Variants in CDKAL1 observed in about 807,000 individuals in gnomAD.
The protein encoded by CDKAL1 is threonylcarbamoyladenosine tRNA methylthiotransferase.
Under a neutral mutation model 68.2 loss-of-function variants are expected in CDKAL1, and 32 were observed. The ratio of observed to expected loss-of-function variants is 0.47; its 90% CI spans 0.35 to 0.63. The LOEUF (loss-of-function observed/expected upper bound fraction) is 0.63, where lower values mean the gene tolerates loss of function less well. CDKAL1 is among the 30% of genes least tolerant of loss of function. The pLI is 0.00. For synonymous variants in CDKAL1, 234 were observed against 244.3 expected (o/e 0.96, Z 0.39); for missense variants, 606 against 696.7 (o/e 0.87, Z 1.47).
chr6:20,964,991 A>G (rs543565714), intron 10 of CDKAL1, among the ~76,000 whole-genome samples: 2 of 152,262 alleles, frequency 1.3e-5, no homozygotes, highest in Admixed American at 6.5e-5. Context: ...GATGAGTGAA[A>G]AGGCCTTAGC....
At chr6:20,614,764 A>G (rs1244172287) in intron 4 of CDKAL1, among the ~76,000 whole-genome samples, 1 of 152,138 alleles carries the variant, frequency 6.6e-6, no homozygotes, top group African/African-American at 2.4e-5. Flanking sequence ...CTTTCAAAAG[A>G]TAATCAAATA....
chr6:20,558,099 T>G (rs1357165870), intron 4 of CDKAL1, among the ~76,000 whole-genome samples: 1 of 152,236 alleles, frequency 6.6e-6, no homozygotes. Flanking sequence ...TTATTTCATG[T>G]AGAAAGTTGA....
At chr6:21,213,355 G>A (rs1779231923) in intron 15 of CDKAL1, among the ~76,000 whole-genome samples, 1 of 152,096 alleles carries the variant, frequency 6.6e-6, no homozygotes, top group Non-Finnish European at 1.5e-5. Flanking sequence ...ATTTACTTGG[G>A]GCCTGGTTGA....
intron 9 of CDKAL1, among the ~76,000 whole-genome samples, chr6:20,902,313 A>T (rs1329547398): frequency 8.0e-3 from 13 of 1,628 alleles, no homozygotes; most frequent in African/African-American, 0.013. Context: ...TGGTGGATTC[A>T]CACACACACA....
At chr6:21,192,053 C>A (rs1359250973) in intron 13 of CDKAL1, among the ~76,000 whole-genome samples, 2 of 100,086 alleles carry the variant, frequency 2.0e-5, no homozygotes, top group East Asian at 6.7e-4. Flanking sequence ...CTCGCTCTGT[C>A]GCCCAGGCCG....
chr6:20,991,467 G>A (rs1766793861), intron 10 of CDKAL1, among the ~76,000 whole-genome samples: 1 of 152,026 alleles, frequency 6.6e-6, no homozygotes, highest in African/African-American at 2.4e-5. Flanking sequence ...CAGCACTTTG[G>A]ATGGCAGACG....
chr6:20,704,114 A>T (rs1338430322), intron 5 of CDKAL1, among the ~76,000 whole-genome samples: 2 of 152,216 alleles, frequency 1.3e-5, no homozygotes, highest in African/African-American at 4.8e-5. Flanking sequence ...ATAAAACAAA[A>T]TACTTAATGA....
At chr6:20,972,412 C>T (rs1274166087) in intron 10 of CDKAL1, among the ~76,000 whole-genome samples, 1 of 152,162 alleles carries the variant, frequency 6.6e-6, no homozygotes, top group Non-Finnish European at 1.5e-5. Context: ...CTCAAGGCAC[C>T]AGCTATTCTT....
intron 8 of CDKAL1, among the ~76,000 whole-genome samples, chr6:20,822,463 C>T (rs774564036): frequency 6.6e-5 from 10 of 152,242 alleles, no homozygotes; most frequent in South Asian, 2.1e-4. Flanking sequence ...GTCCAGACCT[C>T]GCGATACTTC....
intron 10 of CDKAL1, among the ~76,000 whole-genome samples, chr6:20,970,301 G>A (rs1765528062): frequency 6.6e-6 from 1 of 152,084 alleles, no homozygotes; most frequent in Non-Finnish European, 1.5e-5. Flanking sequence ...GATTAGGATA[G>A]GCCAAACACA....
chr6:20,593,690 G>A (rs538848551), intron 4 of CDKAL1, among the ~76,000 whole-genome samples: 41 of 149,716 alleles, frequency 2.7e-4, no homozygotes, highest in Non-Finnish European at 5.0e-4. Flanking sequence ...CTTCTGCTCT[G>A]ATCTTAGTTA....
rs192534009 is a variant in CDKAL1, at chr6:20,639,155, A to G, written c.287-10138A>G. On this transcript the variant is annotated intron_variant, in intron 4 of 15. Transcript: ENST00000274695. ...TACTGGTAGAGCTTTGCCAGCTATTATTTTTCATTTAAAAGAAAAAATCGT... is the reference window on the plus strand; with the variant it reads ...TACTGGTAGAGCTTTGCCAGCTATTGTTTTTCATTTAAAAGAAAAAATCGT... Among the ~76,000 whole-genome samples the G allele has an allele frequency of 1.2e-4, 18 of 152,270 alleles. No individual in the cohort carries two copies. The East Asian group carries it at 3.5e-3, about 29-fold the overall frequency.
At chr6:20,538,765 T>C (rs1026644621) in intron 2 of CDKAL1, among the ~76,000 whole-genome samples, 1 of 152,156 alleles carries the variant, frequency 6.6e-6, no homozygotes. Context: ...ATCCTAGGGG[T>C]TGGGCATTTA....
At chr6:20,837,811 T>C (rs1449476547) in intron 8 of CDKAL1, among the ~76,000 whole-genome samples, 1 of 151,498 alleles carries the variant, frequency 6.6e-6, no homozygotes, top group East Asian at 1.9e-4. Flanking sequence ...CTGCAAATTC[T>C]AATTCAGTAA....
At chr6:20,655,094 T>A (rs1366064919) in intron 5 of CDKAL1, among the ~76,000 whole-genome samples, 1 of 152,246 alleles carries the variant, frequency 6.6e-6, no homozygotes, top group East Asian at 1.9e-4. Context: ...CTTTTAGACT[T>A]TTTTCTCCCA....
chr6:20,810,583 TG>T (rs1429588318), intron 8 of CDKAL1, among the ~76,000 whole-genome samples: 1 of 149,606 alleles, frequency 6.7e-6, no homozygotes, highest in Non-Finnish European at 1.5e-5. Flanking sequence ...GCTGACAGAG[TG>T]AGACACTCTC....
chr6:20,728,201 G>T (rs1372657232), intron 5 of CDKAL1, among the ~76,000 whole-genome samples: 2 of 152,078 alleles, frequency 1.3e-5, no homozygotes, highest in Admixed American at 6.5e-5. Context: ...GTGGAGGGTG[G>T]TCTTTCCAAC....
At chr6:20,678,600 A>G (rs1770232919) in intron 5 of CDKAL1, among the ~76,000 whole-genome samples, 1 of 152,166 alleles carries the variant, frequency 6.6e-6, no homozygotes, top group Non-Finnish European at 1.5e-5. Context: ...ACTCTTGCTC[A>G]TATCAATTAA....
Position 20,666,459 on chromosome 6 carries a change from C to T in CDKAL1, c.371+17082C>T, listed in dbSNP as rs147376834. ...CAGTCCTGTGTTTTATGACCCTCTC[C>T]TACAGACATGAAATACCTGTTTGCT... On this transcript the variant is annotated intron_variant, in intron 5 of 15. Transcript: ENST00000274695. Among the ~76,000 whole-genome samples, 216 of 152,156 alleles carry T rather than the reference C, an allele frequency of 1.4e-3. 1 individual carries two copies. Among genetic ancestry groups the T allele is most frequent in the Middle Eastern group, 6.8e-3 (2 of 294 alleles).
Sources: gnomAD v4.1 joint callset for allele counts (sites outside exome capture counted in the v4.1 genomes callset) on GRCh38, gnomAD v4.1.1 for gene constraint, MANE v1.5 for transcripts, NCBI Gene and HGNC (gene_info 2026-07-23, HGNC 2026-07-21) for gene names.